The following RBFOX1 variants were observed in gnomAD, a reference collection of about 807,000 sequenced individuals.
RBFOX1 encodes the protein RNA binding fox-1 homolog 1.
Under a neutral mutation model 57.7 loss-of-function variants are expected in RBFOX1, and 8 were observed. The observed-to-expected ratio is 0.14, with a 90% CI of 0.08 to 0.25. The LOEUF (loss-of-function observed/expected upper bound fraction) is 0.25. Ranked by LOEUF, RBFOX1 falls within the 10% of genes least tolerant of loss-of-function variation. RBFOX1 has a pLI of 1.00. For synonymous variants in RBFOX1, 326 were observed against 222.4 expected (o/e 1.47, Z -4.15); for missense variants, 611 against 548.5 (o/e 1.11, Z -1.14).
chr16:7,302,801 G>T (rs1474399590), intron 4 of RBFOX1, among the ~76,000 whole-genome samples: 2 of 146,128 alleles, frequency 1.4e-5, no homozygotes, highest in East Asian at 2.0e-4. Context: ...ATTTTCTTTC[G>T]ATTTGCAGAT....
intron 4 of RBFOX1, among the ~76,000 whole-genome samples, chr16:7,065,713 T>A (rs780073402): frequency 2.0e-5 from 3 of 152,186 alleles, no homozygotes; most frequent in Non-Finnish European, 4.4e-5. Context: ...ACGCTGTGAT[T>A]ACCTGTAGCC....
At chr16:6,126,259 G>A (rs9302819) in intron 1 of RBFOX1, among the ~76,000 whole-genome samples, 4,343 of 152,272 alleles carry the variant, frequency 0.029, 210 homozygotes, top group African/African-American at 0.1. Context: ...GAGCGCCAGC[G>A]CATCGAGGAA....
intron 4 of RBFOX1, among the ~76,000 whole-genome samples, chr16:7,220,255 CGTCAGTGGG>C (rs772522545): frequency 6.6e-6 from 1 of 152,166 alleles, no homozygotes; most frequent in Non-Finnish European, 1.5e-5. Flanking sequence ...ATATAGTACT[CGTCAGTGGG>C]CGTCTGGTCC....
intron 3 of RBFOX1, among the ~76,000 whole-genome samples, chr16:6,865,679 T>G (rs1204731923): frequency 6.6e-6 from 1 of 152,230 alleles, no homozygotes; most frequent in Non-Finnish European, 1.5e-5. Flanking sequence ...CCCTAATTCC[T>G]TTAGTTAATA....
intron 1 of RBFOX1, among the ~76,000 whole-genome samples, chr16:6,122,681 C>G (rs1332118606): frequency 6.6e-6 from 1 of 151,992 alleles, no homozygotes; most frequent in Non-Finnish European, 1.5e-5. Context: ...ACTGGCTCTT[C>G]CCTTATTGAA....
At chr16:6,529,756 C>T (rs1014665376) in intron 2 of RBFOX1, among the ~76,000 whole-genome samples, 6 of 152,032 alleles carry the variant, frequency 3.9e-5, no homozygotes, top group Admixed American at 6.6e-5. Flanking sequence ...TAAAGTTCTA[C>T]AAAACGCCAA....
intron 1 of RBFOX1, among the ~76,000 whole-genome samples, chr16:5,450,928 C>T (rs1441754822): frequency 1.3e-5 from 2 of 152,168 alleles, no homozygotes; most frequent in Non-Finnish European, 2.9e-5. Flanking sequence ...CAAGGGTAAG[C>T]TTGTCCGAGC....
At chr16:6,217,971 C>A (rs8051578) in intron 1 of RBFOX1, among the ~76,000 whole-genome samples, 8 of 152,348 alleles carry the variant, frequency 5.3e-5, no homozygotes, top group Non-Finnish European at 1.0e-4. Flanking sequence ...AGCTGGGATC[C>A]TGCCACTGCA....
At chr16:7,634,882 A>T (rs919230642) in intron 11 of RBFOX1, among the ~76,000 whole-genome samples, 2 of 152,240 alleles carry the variant, frequency 1.3e-5, no homozygotes, top group African/African-American at 2.4e-5. Context: ...ACTCTAGAGA[A>T]TTAGGCAACA....
At chr16:7,207,641 C>T (rs1220898294) in intron 4 of RBFOX1, among the ~76,000 whole-genome samples, 4 of 152,080 alleles carry the variant, frequency 2.6e-5, no homozygotes, top group Non-Finnish European at 5.9e-5. Flanking sequence ...GTCTCTGCAA[C>T]CTAAAGAAGG....
intron 4 of RBFOX1, among the ~76,000 whole-genome samples, chr16:5,876,113 G>A (rs1030665256): frequency 3.3e-5 from 5 of 152,014 alleles, no homozygotes; most frequent in Non-Finnish European, 5.9e-5. Context: ...AAAGTGCTGG[G>A]ATTACAGGTG....
Position 6,019,651 on chromosome 16 carries a change from G to A in RBFOX1, c.-468G>A. On this transcript the variant is annotated 5_prime_UTR_variant, in exon 1 of 16. Coordinates refer to ENST00000550418, the MANE Select transcript of RBFOX1 (RefSeq NM_018723.4). The surrounding 1 kb of genome is among the most constrained non-coding windows in gnomAD (Gnocchi z 4.2). The stretch of plus-strand genomic sequence containing the variant: ...ACATCTGGAGGGGACAGCCAGCCGT[G>A]GGCCCCGCCCCGGCGTCCGGAGCAG... 2 of 1,300,228 alleles carry A rather than the reference G, an allele frequency of 1.5e-6. No individual in the cohort carries two copies. The highest frequency in any genetic ancestry group is 2.0e-6 in the Non-Finnish European group (2 of 1,024,156). 80.5% of individuals were successfully genotyped at this position (1,300,228 alleles called of 1,614,324 possible).
intron 2 of RBFOX1, chr16:6,573,825 G>C (rs940820618): frequency 2.0e-5 from 3 of 152,222 alleles, no homozygotes; most frequent in African/African-American, 4.8e-5. Context: ...TGGGGAGGCA[G>C]TGACACCCGC....
intron 1 of RBFOX1, among the ~76,000 whole-genome samples, chr16:5,431,780 C>A (rs1224543583): frequency 6.6e-6 from 1 of 152,218 alleles, no homozygotes; most frequent in Non-Finnish European, 1.5e-5. Flanking sequence ...GTCTCTTATG[C>A]TGCAGGAAGC....
At chr16:7,078,436 C>T (rs555577115) in intron 4 of RBFOX1, among the ~76,000 whole-genome samples, 25 of 152,094 alleles carry the variant, frequency 1.6e-4, no homozygotes, top group African/African-American at 2.7e-4. Context: ...AAACCTCCGC[C>T]TCCCGGATTC....
At chr16:5,446,693 AAGTATTGC>A (rs1162774662) in intron 1 of RBFOX1, among the ~76,000 whole-genome samples, 1 of 152,036 alleles carries the variant, frequency 6.6e-6, no homozygotes, top group Non-Finnish European at 1.5e-5. Flanking sequence ...ACCCTGTAGG[AAGTATTGC>A]AGTACTCCAA....
chr16:6,046,566 A>G (rs1300524887), intron 1 of RBFOX1, among the ~76,000 whole-genome samples: 1 of 152,180 alleles, frequency 6.6e-6, no homozygotes, highest in Non-Finnish European at 1.5e-5. Flanking sequence ...ACATTACCGT[A>G]TTAAATGAGT....
chr16:6,831,309 T>G (rs1225955215), intron 3 of RBFOX1, among the ~76,000 whole-genome samples: 4 of 152,184 alleles, frequency 2.6e-5, no homozygotes, highest in Non-Finnish European at 5.9e-5. Context: ...AGAAACAACT[T>G]CTTGGACTCT....
chr16:5,510,215 G>C (rs979140582), intron 2 of RBFOX1, among the ~76,000 whole-genome samples: 1 of 152,228 alleles, frequency 6.6e-6, no homozygotes, highest in Admixed American at 6.5e-5. Context: ...AGCAGAGGAA[G>C]AAACATCCCA....
Sources: gnomAD v4.1 joint callset for allele counts (sites outside exome capture counted in the v4.1 genomes callset) on GRCh38, gnomAD v4.1.1 for gene constraint, Gnocchi (gnomAD v3.1) non-coding constraint, MANE v1.5 for transcripts, NCBI Gene and HGNC (gene_info 2026-07-23, HGNC 2026-07-21) for gene names.